SUFU: variants seen among roughly 807,000 people sequenced by gnomAD.
The protein encoded by SUFU is suppressor of fused homolog.
A neutral mutation model predicts 58.9 loss-of-function variants in SUFU; 7 were observed. That is an observed-to-expected ratio of 0.12 (90% CI 0.07 to 0.22). The LOEUF (loss-of-function observed/expected upper bound fraction) is 0.22, where lower values mean the gene tolerates loss of function less well. Ranked by LOEUF, SUFU falls within the 10% of genes least tolerant of loss-of-function variation. The probability of loss-of-function intolerance (pLI) is 1.00; values close to 1 mark genes in which losing one functional copy is unlikely to be tolerated. For missense variants in SUFU, 451 were observed against 641.3 expected, an observed-to-expected ratio of 0.70 and a Z score of 3.20; for synonymous variants, 232 against 254.8, an observed-to-expected ratio of 0.91 and a Z score of 0.85.
intron 8 of SUFU, among the ~76,000 whole-genome samples, chr10:102,612,580 C>A (rs907085181): frequency 6.6e-6 from 1 of 152,106 alleles, no homozygotes; most frequent in African/African-American, 2.4e-5. Flanking sequence ...TTTCTGCAAG[C>A]CCCCACCCCA....
At chr10:102,535,222 C>T (rs1031510923) in intron 2 of SUFU, among the ~76,000 whole-genome samples, 8 of 152,186 alleles carry the variant, frequency 5.3e-5, no homozygotes, top group African/African-American at 1.4e-4. Flanking sequence ...CGCGGTGGCT[C>T]ACGCCTGTAA....
chr10:102,560,407 TAA>T (rs1019232766), intron 3 of SUFU, among the ~76,000 whole-genome samples: 1 of 148,478 alleles, frequency 6.7e-6, no homozygotes, highest in African/African-American at 2.5e-5. Context: ...CCATCTCTGC[TAA>T]AAAAAAAATA....
chr10:102,623,691 G>A (rs1358693667), intron 10 of SUFU, among the ~76,000 whole-genome samples: 1 of 152,210 alleles, frequency 6.6e-6, no homozygotes, highest in Non-Finnish European at 1.5e-5. Context: ...TGTGATCCCA[G>A]CACTTTGGGA....
intron 8 of SUFU, among the ~76,000 whole-genome samples, chr10:102,611,410 G>A (rs1033265978): frequency 6.6e-6 from 1 of 152,190 alleles, no homozygotes; most frequent in East Asian, 1.9e-4. Context: ...CTGTAGTTGG[G>A]CCTTTCCAGA....
intron 2 of SUFU, among the ~76,000 whole-genome samples, chr10:102,514,405 T>G (rs1021223556): frequency 1.3e-5 from 2 of 152,218 alleles, no homozygotes; most frequent in African/African-American, 4.8e-5. Context: ...ATGGCCATTT[T>G]CATTCAAGTT....
At position 102,592,593 on chromosome 10, in the gene SUFU, T is replaced by C. The variant is rs1554852266; in HGVS notation, c.466T>C (p.Cys156Arg). Residue 156 changes from cysteine (C) to arginine (R), a missense_variant, in exon 4 of 12, where the codon TGC becomes CGC. Cys to Arg is a radical substitution (Grantham distance 180). Transcript: ENST00000369902. ...RYVFQSENTFCSGDHVSWHSP... is the reference protein window; with the variant it reads ...RYVFQSENTFRSGDHVSWHSP... ...TATCTCTCCCACAGAGAACACCTTCTGCAGTGGGGACCATGTGTCCTGGCA... is the reference window on the plus strand; with the variant it reads ...TATCTCTCCCACAGAGAACACCTTCCGCAGTGGGGACCATGTGTCCTGGCA... 12 of 1,614,122 alleles carry C rather than the reference T, an allele frequency of 7.4e-6. No homozygotes were observed. The highest frequency in any genetic ancestry group is 1.1e-5 in the South Asian group (1 of 91,074).
Position 102,583,643 on chromosome 10 carries a change from C to CT in SUFU, c.455-8935dup, listed in dbSNP as rs1213176518. On this transcript the variant is annotated intron_variant, in intron 3 of 11. Transcript: ENST00000369902. Reference sequence around the variant, plus strand: ...GGTCATGGCTCCAAATCTTTCCAGCCTTTTCCCTGTTTCCAGCCTAAATAA... The same window carrying CT: ...GGTCATGGCTCCAAATCTTTCCAGCCTTTTTCCCTGTTTCCAGCCTAAATAA... Among the ~76,000 whole-genome samples the CT allele has an allele frequency of 2.6e-5, 4 of 152,284 alleles. No individual in the cohort carries two copies. In the South Asian group the frequency reaches 8.3e-4, roughly 32 times the overall value.
chr10:102,599,643 C>G (rs760034619), intron 8 of SUFU, 99 bp downstream of exon 8: 57 of 1,032,664 alleles, frequency 5.5e-5, no homozygotes, highest in Non-Finnish European at 8.1e-5. Flanking sequence ...GCACATAGCC[C>G]TTGCTGGATG....
chr10:102,622,043 C>T (rs1011491475), intron 10 of SUFU, among the ~76,000 whole-genome samples: 6 of 152,208 alleles, frequency 3.9e-5, no homozygotes, highest in African/African-American at 1.4e-4. Flanking sequence ...CCCTCACCAC[C>T]ACCCAGCCAA....
intron 3 of SUFU, among the ~76,000 whole-genome samples, chr10:102,555,824 T>G (rs1284013640): frequency 1.6e-4 from 25 of 152,194 alleles, no homozygotes. Context: ...CCCTGTGTGG[T>G]TACACGCTAC....
At chr10:102,577,228 C>T (rs1306912098) in intron 3 of SUFU, among the ~76,000 whole-genome samples, 2 of 151,740 alleles carry the variant, frequency 1.3e-5, no homozygotes, top group African/African-American at 2.4e-5. Flanking sequence ...GCATTATAGG[C>T]GTCCACTAAC....
intron 3 of SUFU, among the ~76,000 whole-genome samples, chr10:102,568,923 CATATATATAT>C (rs1166324733): frequency 3.3e-4 from 13 of 39,084 alleles, no homozygotes; most frequent in South Asian, 1.9e-3. Context: ...TATATATACA[CATATATATAT>C]ATATATATAT....
chr10:102,569,260 C>T (rs1052808196), intron 3 of SUFU, among the ~76,000 whole-genome samples: 4 of 151,952 alleles, frequency 2.6e-5, no homozygotes, highest in Non-Finnish European at 5.9e-5. Context: ...TGGCCCCTGC[C>T]GCGGCTGCCA....
chr10:102,540,292 CTA>C (rs1334737637), intron 2 of SUFU, among the ~76,000 whole-genome samples: 2 of 152,174 alleles, frequency 1.3e-5, no homozygotes, highest in Admixed American at 6.6e-5. Context: ...ACATACCACT[CTA>C]TTTCCATATT....
At chr10:102,572,392 C>CTTT (rs36034579) in intron 3 of SUFU, among the ~76,000 whole-genome samples, 8 of 130,224 alleles carry the variant, frequency 6.1e-5, no homozygotes, top group Admixed American at 8.1e-5. Flanking sequence ...CTTTTTCTTT[C>CTTT]TTTTTTTTTT....
intron 3 of SUFU, among the ~76,000 whole-genome samples, chr10:102,580,459 G>A (rs577558999): frequency 2.1e-4 from 32 of 152,198 alleles, no homozygotes; most frequent in African/African-American, 7.7e-4. Flanking sequence ...TGGGTCTTGC[G>A]TCATTACTCT....
At chr10:102,508,264 G>A (rs1589974363) in intron 1 of SUFU, among the ~76,000 whole-genome samples, 1 of 152,050 alleles carries the variant, frequency 6.6e-6, no homozygotes, top group Admixed American at 6.5e-5. Flanking sequence ...GTGAGCCACC[G>A]TGCCCGGCCA....
At chr10:102,568,343 T>G (rs1295298311) in intron 3 of SUFU, among the ~76,000 whole-genome samples, 1 of 152,244 alleles carries the variant, frequency 6.6e-6, no homozygotes, top group African/African-American at 2.4e-5. Flanking sequence ...CATGTTTTAC[T>G]TTATACATTT....
chr10:102,612,988 TGGG>T (rs1486288813), intron 8 of SUFU, among the ~76,000 whole-genome samples: 1 of 152,180 alleles, frequency 6.6e-6, no homozygotes, highest in Non-Finnish European at 1.5e-5. Context: ...TGCTCTTGTT[TGGG>T]CCCTGAGGGC....
Sources: allele counts gnomAD v4.1 joint callset (sites outside exome capture counted in the v4.1 genomes callset), GRCh38; gene constraint gnomAD v4.1.1; transcripts MANE v1.5; gene names NCBI Gene and HGNC (gene_info 2026-07-23, HGNC 2026-07-21).